The following KLF7 variants were observed in gnomAD, a reference collection of about 807,000 sequenced individuals.
KLF7 encodes the protein Krueppel-like factor 7.
KLF7 carries 2 observed loss-of-function variants against 27.3 expected under a neutral mutation model. The observed-to-expected ratio is 0.07, with a 90% CI of 0.03 to 0.23. The LOEUF is 0.23. Ranked by LOEUF, KLF7 falls within the 10% of genes least tolerant of loss-of-function variation. KLF7 has a pLI of 1.00. For synonymous variants in KLF7, 165 were observed against 162.4 expected, an observed-to-expected ratio of 1.02 and a Z score of -0.12; for missense variants, 221 against 394.1, an observed-to-expected ratio of 0.56 and a Z score of 3.72.
intron 1 of KLF7, among the ~76,000 whole-genome samples, chr2:207,140,677 C>T (rs1229339486): frequency 2.6e-5 from 4 of 152,170 alleles, no homozygotes; most frequent in African/African-American, 9.7e-5. Flanking sequence ...GCACAATTTA[C>T]ACTTGGCCCT....
At chr2:207,122,696 C>T (rs1018130463) in intron 2 of KLF7, among the ~76,000 whole-genome samples, 1 of 152,148 alleles carries the variant, frequency 6.6e-6, no homozygotes, top group Non-Finnish European at 1.5e-5. Context: ...GGAGGCACAG[C>T]CCAGAAGGCC....
chr2:207,167,133 G>A (rs913907288), upstream of KLF7: 179 of 1,440,500 alleles, frequency 1.2e-4, no homozygotes, highest in Non-Finnish European at 1.6e-4. Context: ...TACGTGATGA[G>A]GCTCACCATG....
At chr2:207,165,337 C>A (rs1490462552) in intron 1 of KLF7, 130 bp downstream of exon 1, 27 of 1,319,576 alleles carry the variant, frequency 2.0e-5, no homozygotes, top group Non-Finnish European at 2.2e-5. Context: ...TTTTCAACAA[C>A]AGACAGCCAA....
In KLF7 at chr2:207,077,964, T is replaced by G. The variant is rs1307501077; in HGVS notation, c.*3249A>C. The G allele has an allele frequency of 6.6e-6, 1 of 151,862 alleles. No individual in the cohort carries two copies. The highest frequency in any genetic ancestry group is 1.5e-5 in the Non-Finnish European group (1 of 67,972). 9.4% of individuals were successfully genotyped at this position (151,862 alleles called of 1,614,324 possible). ...GGTAACAACTGAAATGAGAAAGGGG[T>G]TTAATGTGTTTCAAATGTCCATTAA... is the stretch of plus-strand genomic sequence containing the variant. On this transcript the variant is annotated 3_prime_UTR_variant, in exon 4 of 4. Transcript: ENST00000309446.
intron 1 of KLF7, among the ~76,000 whole-genome samples, chr2:207,149,813 C>A (rs772298221): frequency 6.6e-6 from 1 of 152,154 alleles, no homozygotes; most frequent in Admixed American, 6.5e-5. Flanking sequence ...TTATCCTGGG[C>A]TAGGACAAGA....
intron 1 of KLF7, among the ~76,000 whole-genome samples, chr2:207,138,676 T>C (rs2077854580): frequency 6.6e-6 from 1 of 152,236 alleles, no homozygotes; most frequent in African/African-American, 2.4e-5. Flanking sequence ...GCCAATACAA[T>C]TTCCTAGTGC....
rs938826169 is a variant in KLF7 at position 207,080,844 on chromosome 2, C to T, written c.*369G>A. On this transcript the variant is annotated 3_prime_UTR_variant, in exon 4 of 4. Coordinates refer to ENST00000309446, the MANE Select transcript of KLF7 (RefSeq NM_003709.4). ...TCGGACTGCCGTCCACCTGCACAGA[C>T]GTCACATCCATTTTCTTTGATTTCC... 1.7e-5 allele frequency: 7 copies of T among 414,334 alleles called. No homozygotes were observed. Among genetic ancestry groups the T allele is most frequent in the African/African-American group, 6.1e-5 (3 of 48,936 alleles). The allele number at this position is 414,334 out of a possible 1,614,324, so 25.7% of individuals were successfully genotyped here. A position where few individuals can be genotyped will look rare whatever the true frequency, so the allele number is the denominator to read the frequency against.
chr2:207,092,156 A>T (rs1324430047), intron 2 of KLF7, among the ~76,000 whole-genome samples: 1 of 152,078 alleles, frequency 6.6e-6, no homozygotes, highest in African/African-American at 2.4e-5. Context: ...GCACAACACT[A>T]TGCTGTATCG....
chr2:207,123,589 T>G (rs2077396548), intron 2 of KLF7, among the ~76,000 whole-genome samples, 185 bp downstream of exon 2: 1 of 152,196 alleles, frequency 6.6e-6, no homozygotes, highest in African/African-American at 2.4e-5. Flanking sequence ...CGTCTGTGCT[T>G]GGGACATCTT....
chr2:207,141,903 G>A (rs910626686), intron 1 of KLF7, among the ~76,000 whole-genome samples: 1 of 151,998 alleles, frequency 6.6e-6, no homozygotes, highest in Non-Finnish European at 1.5e-5. Flanking sequence ...TCCCTTATTT[G>A]AGGAGAGACC....
At chr2:207,081,372 T>G in intron 3 of KLF7, 108 bp from the exon 4 acceptor site, 3 of 955,328 alleles carry the variant, frequency 3.1e-6, no homozygotes, top group Non-Finnish European at 5.1e-6. Context: ...ACAGTGCACA[T>G]GCATTGAGAA....
intron 2 of KLF7, among the ~76,000 whole-genome samples, chr2:207,118,436 G>T (rs1366359197): frequency 6.6e-6 from 1 of 152,180 alleles, no homozygotes; most frequent in African/African-American, 2.4e-5. Context: ...ATTTAGAGAG[G>T]ATATTTAGTT....
intron 1 of KLF7, among the ~76,000 whole-genome samples, chr2:207,128,053 T>G (rs6721012): frequency 0.03 from 4,595 of 152,222 alleles, 222 homozygotes; most frequent in African/African-American, 0.1. Context: ...CCAGGGATCT[T>G]GGTTTCTAAA....
At chr2:207,153,084 G>A (rs1005305085) in intron 1 of KLF7, among the ~76,000 whole-genome samples, 16 of 151,974 alleles carry the variant, frequency 1.1e-4, no homozygotes, top group African/African-American at 3.9e-4. Context: ...GGAAACTGAG[G>A]ACTAGAGAAG....
upstream of KLF7, among the ~76,000 whole-genome samples, chr2:207,167,497 GA>G: frequency 6.6e-6 from 1 of 152,290 alleles, no homozygotes; most frequent in Admixed American, 6.5e-5. Flanking sequence ...CACAACATTT[GA>G]AAGATTCTAC....
chr2:207,146,722 AAAG>A (rs1311104730), intron 1 of KLF7, among the ~76,000 whole-genome samples: 4 of 152,150 alleles, frequency 2.6e-5, no homozygotes, highest in Non-Finnish European at 4.4e-5. Flanking sequence ...GAAAAAACAA[AAAG>A]AAGAAAAAAA....
intron 3 of KLF7, among the ~76,000 whole-genome samples, chr2:207,081,948 G>A (rs573434287): frequency 9.3e-5 from 14 of 151,252 alleles, no homozygotes; most frequent in African/African-American, 3.2e-4. Context: ...CCAATATCAC[G>A]CCATCCTCAC....
chr2:207,111,619 G>A (rs1326240074), intron 2 of KLF7, among the ~76,000 whole-genome samples: 2 of 152,192 alleles, frequency 1.3e-5, no homozygotes, highest in Non-Finnish European at 2.9e-5. Context: ...TCAGGACTGA[G>A]GAGAACCAGG....
intron 2 of KLF7, among the ~76,000 whole-genome samples, chr2:207,098,477 G>A (rs766763093): frequency 4.9e-4 from 74 of 152,196 alleles, no homozygotes; most frequent in Non-Finnish European, 2.2e-4. Context: ...TCAATTTGAT[G>A]TATTAAATAG....
Sources: gnomAD v4.1 joint callset for allele counts (sites outside exome capture counted in the v4.1 genomes callset) on GRCh38, gnomAD v4.1.1 for gene constraint, MANE v1.5 for transcripts, NCBI Gene and HGNC (gene_info 2026-07-23, HGNC 2026-07-21) for gene names.